The following IDH1 variants were observed in gnomAD, a reference collection of about 807,000 sequenced individuals.
IDH1 encodes isocitrate dehydrogenase (NADP(+)) 1, also known as isocitrate dehydrogenase [NADP] cytoplasmic.
IDH1 carries 33 observed loss-of-function variants against 46.1 expected under a neutral mutation model. That is an observed-to-expected ratio of 0.72 (90% CI 0.54 to 0.96). IDH1 has a LOEUF of 0.96. Ranked by LOEUF, IDH1 falls within the 40% of genes least tolerant of loss-of-function variation. The pLI, the probability that IDH1 is intolerant of heterozygous loss-of-function variation, is 0.00. For synonymous variants in IDH1, 144 were observed against 172.8 expected, an observed-to-expected ratio of 0.83 and a Z score of 1.31; for missense variants, 421 against 515.7, an observed-to-expected ratio of 0.82 and a Z score of 1.78.
chr2:208,237,180 G>T lies in IDH1; in HGVS notation c.1155-11C>A. The T allele has an allele frequency of 2.2e-6, 3 of 1,334,060 alleles. No homozygotes were observed. Among genetic ancestry groups the T allele is most frequent in the Non-Finnish European group, 2.0e-6 (2 of 997,394 alleles). The allele number at this position is 1,334,060 out of a possible 1,614,324, so 82.6% of individuals were successfully genotyped here. ...TCAGAACGTTGCACACTAACGGGAA[G>T]GAAAAAAAAAAGAAAATTTAGTTGG... On this transcript the variant is annotated splice_polypyrimidine_tract_variant and intron_variant, in intron 9 of 9. Coordinates refer to ENST00000345146, the MANE Select transcript of IDH1 (RefSeq NM_005896.4).
chr2:208,248,564 A>G lies in IDH1; in HGVS notation c.219T>C (p.Cys73=), dbSNP rs1254990610. 3 of 1,614,122 alleles carry G rather than the reference A, an allele frequency of 1.9e-6. No individual in the cohort carries two copies. The highest frequency in any genetic ancestry group is 2.5e-6 in the Non-Finnish European group (3 of 1,179,976). ...AIKKHNVGVK[C]ATITPDEKRV... is the part of the protein sequence containing the mutation. The stretch of plus-strand genomic sequence containing the variant: ...TCTTCTCATCAGGAGTGATAGTGGC[A>G]CATTTGACGCCAACATTATGCTTCT... Residue 73 remains cysteine, a synonymous_variant, in exon 4 of 10, where the codon TGT becomes TGC. Coordinates refer to ENST00000345146, the MANE Select transcript of IDH1 (RefSeq NM_005896.4).
rs1419613218 is a variant in IDH1, at chr2:208,236,733, A to G, written c.*346T>C. 3.0e-6 allele frequency: 1 copy of G among 331,900 alleles called. No individual in the cohort carries two copies. Among genetic ancestry groups the G allele is most frequent in the Non-Finnish European group, 5.6e-6 (1 of 178,642 alleles). 20.6% of individuals were successfully genotyped at this position (331,900 alleles called of 1,614,324 possible). A position where few individuals can be genotyped will look rare whatever the true frequency, so the allele number is the denominator to read the frequency against. On this transcript the variant is annotated 3_prime_UTR_variant, in exon 10 of 10. Transcript: ENST00000345146. ...CTACTTTATGCATATTTTAGGGAGC[A>G]ATACTGTGGCTATCATTTACCCTTT...
At position 208,236,877 on chromosome 2, in the gene IDH1, A is replaced by G. The variant is rs879006105; in HGVS notation, c.*202T>C. ...TAGAAAATAAAATAAAAATTGTAAAAAAGTCCCTTGCCATGTTCACAAAGG... is the reference window on the plus strand; with the variant it reads ...TAGAAAATAAAATAAAAATTGTAAAGAAGTCCCTTGCCATGTTCACAAAGG... On this transcript the variant is annotated 3_prime_UTR_variant, in exon 10 of 10. Transcript: ENST00000345146. The G allele has an allele frequency of 3.6e-6, 2 of 554,834 alleles. No individual in the cohort carries two copies. The highest frequency in any genetic ancestry group is 6.3e-6 in the Non-Finnish European group (2 of 315,464). The allele number at this position is 554,834 out of a possible 1,614,324, so 34.4% of individuals were successfully genotyped here.
intron 5 of IDH1, among the ~76,000 whole-genome samples, chr2:208,243,842 A>G (rs1224853991): frequency 6.6e-6 from 1 of 152,254 alleles, no homozygotes; most frequent in Non-Finnish European, 1.5e-5. Flanking sequence ...AGAAATGAAA[A>G]AACATACAGT....
chr2:208,243,113 T>G (rs527906290), intron 6 of IDH1, among the ~76,000 whole-genome samples: 10 of 152,278 alleles, frequency 6.6e-5, no homozygotes, highest in African/African-American at 2.4e-4. Context: ...TGGAAATGGG[T>G]CTGACTTAGA....
Position 208,239,207 on chromosome 2 carries a change from ACCCTCTGGT to A in IDH1, c.1009_1017del (p.Thr337_Gly339del), listed in dbSNP as rs1238151281. The A allele has an allele frequency of 4.3e-6, 7 of 1,614,140 alleles. No individual in the cohort carries two copies. Among genetic ancestry groups the A allele is most frequent in the Non-Finnish European group, 5.9e-6 (7 of 1,179,996 alleles). On this transcript the variant is annotated inframe_deletion, in exon 9 of 10. Coordinates refer to ENST00000345146, the MANE Select transcript of IDH1 (RefSeq NM_005896.4). ...TTATCAAGCTTTGCTCTGTGGGCTAACCCTCTGGTCCAGGCAAAAATGGAAGCTAAAAGA... is the reference window on the plus strand; with the variant it reads ...TTATCAAGCTTTGCTCTGTGGGCTAACCAGGCAAAAATGGAAGCTAAAAGA...
At position 208,251,486 on chromosome 2, in the gene IDH1, A is replaced by G. The variant is rs2124868188; in HGVS notation, c.66T>C (p.Ile22=). 2 of 1,613,880 alleles carry G rather than the reference A, an allele frequency of 1.2e-6. No individual in the cohort carries two copies. The highest frequency in any genetic ancestry group is 1.7e-6 in the Non-Finnish European group (2 of 1,179,832). The part of the protein sequence containing the change: ...EMQGDEMTRI[I]WELIKEKLIF... ...TGAGTTTCTCTTTAATCAATTCCCA[A>G]ATGATTCGTGTCATTTCATCTCCTT... The change falls in exon 3 of 10, where the codon ATT becomes ATC. Residue 22 remains isoleucine, a synonymous_variant. Transcript: ENST00000345146.
chr2:208,245,782 C>CCA (rs1688009047), intron 4 of IDH1, among the ~76,000 whole-genome samples: 1 of 37,468 alleles, frequency 2.7e-5, no homozygotes, highest in Non-Finnish European at 8.0e-5. Flanking sequence ...GTATTAGACC[C>CCA]CCCCCCCAAA....
In IDH1 at chr2:208,239,987, GC is replaced by G; in HGVS notation, c.866del (p.Gly289AlafsTer2). On this transcript the variant is annotated frameshift_variant, in exon 8 of 10. Coordinates refer to ENST00000345146, the MANE Select transcript of IDH1 (RefSeq NM_005896.4). LOFTEE classifies it high-confidence loss of function. ...DSVAQGYGSL[G>X]MMTSVLVCPD... ...GACAAACCAGCACGCTGGTCATCAT[GC>G]CGAGAGAGCCATACCCTGTAAGTAG... is the stretch of plus-strand genomic sequence containing the variant. 6 of 1,614,166 alleles carry G rather than the reference GC, an allele frequency of 3.7e-6. No homozygotes were observed. The highest frequency in any genetic ancestry group is 5.1e-6 in the Non-Finnish European group (6 of 1,180,014).
intron 3 of IDH1, 176 bp downstream of exon 3, chr2:208,251,254 C>CTTT: frequency 7.7e-6 from 3 of 389,316 alleles, no homozygotes; most frequent in Admixed American, 4.5e-5. Context: ...CTTTTTTTTC[C>CTTT]TTTTTTTTTT....
rs759011836 is a variant in IDH1, at chr2:208,240,012, A to T, written c.851-9T>A. The T allele has an allele frequency of 6.2e-7, 1 of 1,614,172 alleles. No individual in the cohort carries two copies. The highest frequency in any genetic ancestry group is 1.7e-5 in the Admixed American group (1 of 60,032). ...GCCGAGAGAGCCATACCCTGTAAGTAGTGGAGCATGAAGCGTTGGGTCCAA... is the reference window on the plus strand; with the variant it reads ...GCCGAGAGAGCCATACCCTGTAAGTTGTGGAGCATGAAGCGTTGGGTCCAA... On this transcript the variant is annotated splice_polypyrimidine_tract_variant and intron_variant, in intron 7 of 9. Transcript: ENST00000345146.
At position 208,248,619 on chromosome 2, in the gene IDH1, T is replaced by G. The variant is rs1414016845; in HGVS notation, c.164A>C (p.Gln55Pro). 4 of 1,614,204 alleles carry G rather than the reference T, an allele frequency of 2.5e-6. No individual in the cohort carries two copies. The highest frequency in any genetic ancestry group is 3.4e-6 in the Non-Finnish European group (4 of 1,180,024). The part of the protein sequence containing the change: ...GIENRDATND[Q>P]VTKDAAEAIK... Reference sequence around the variant, plus strand: ...AGCTTCTGCAGCATCCTTGGTGACTTGGTCGTTGGTGGCATCACGATTCTC... The same window carrying G: ...AGCTTCTGCAGCATCCTTGGTGACTGGGTCGTTGGTGGCATCACGATTCTC... The change falls in exon 4 of 10, where the codon CAA (glutamine) becomes CCA (proline). Residue 55 changes from glutamine to proline, a missense_variant. Physicochemically the swap from Gln to Pro is moderately conservative, Grantham distance 76. Transcript: ENST00000345146.
intron 9 of IDH1, 151 bp downstream of exon 9, chr2:208,238,920 A>G: frequency 1.4e-6 from 1 of 733,742 alleles, no homozygotes; most frequent in Non-Finnish European, 2.3e-6. Context: ...AAAGCCTAAA[A>G]TGTTCACTAT....
chr2:208,245,546 C>CTTT lies in IDH1; in HGVS notation c.415-125_415-123dup, dbSNP rs34363027. ...ACAAATAGGGCAGTATGTCAAACTT[C>CTTT]TTTTTTTTTTTTTTTTTTTAGGAGA... On this transcript the variant is annotated intron_variant, in intron 4 of 9. Transcript: ENST00000345146. The CTTT allele has an allele frequency of 0.45, 146,884 of 329,194 alleles. 29,952 individuals are homozygous for CTTT. The highest frequency in any genetic ancestry group is 0.54 in the Admixed American group (12,235 of 22,608). 20.4% of individuals were successfully genotyped at this position (329,194 alleles called of 1,614,324 possible). A position where few individuals can be genotyped will look rare whatever the true frequency, so the allele number is the denominator to read the frequency against.
rs1403237068 is a variant in IDH1 at position 208,248,525 on chromosome 2, G to C, written c.258C>G (p.Phe86Leu). 4.3e-6 allele frequency: 7 copies of C among 1,614,096 alleles called. No individual in the cohort carries two copies. In the South Asian group the frequency reaches 7.7e-5, roughly 18 times the overall value. Residue 86 changes from phenylalanine (F) to leucine (L), a missense_variant, in exon 4 of 10, where the codon TTC becomes TTG. By Grantham distance (22) the Phe-to-Leu change is conservative (BLOSUM62 0). Transcript: ENST00000345146. ...ITPDEKRVEE[F>L]KLKQMWKSPN... ...GTGATTTCCACATTTGTTTCAACTT[G>C]AACTCCTCAACCCTCTTCTCATCAG...
At chr2:208,241,561 C>T (rs1001207377) in intron 7 of IDH1, among the ~76,000 whole-genome samples, 6 of 152,082 alleles carry the variant, frequency 3.9e-5, no homozygotes, top group African/African-American at 1.4e-4. Context: ...TCTACCAGAA[C>T]AGCAGCTGGC....
chr2:208,237,909 C>A (rs991219427), intron 9 of IDH1, among the ~76,000 whole-genome samples: 1 of 150,624 alleles, frequency 6.6e-6, no homozygotes, highest in Non-Finnish European at 1.5e-5. Flanking sequence ...CTGGGCAAAG[C>A]GAGACTCTGT....
Position 208,248,375 on chromosome 2 carries a change from C to T in IDH1, c.408G>A (p.Gly136=), listed in dbSNP as rs1347854729. 6.2e-7 allele frequency: 1 copy of T among 1,613,118 alleles called. No homozygotes were observed. The highest frequency in any genetic ancestry group is 1.1e-5 in the South Asian group (1 of 91,044). Residue 136 remains glycine (G), a synonymous_variant, in exon 4 of 10, where the codon GGG becomes GGA. Coordinates refer to ENST00000345146, the MANE Select transcript of IDH1 (RefSeq NM_005896.4). ...TATTGCCAACATGACTTACTTGATC[C>T]CCATAAGCATGACGACCTATGATGA... ...KPIIIGRHAY[G]DQYRATDFVV...
chr2:208,249,209 T>TA (rs1226084158), intron 3 of IDH1, among the ~76,000 whole-genome samples: 3 of 151,312 alleles, frequency 2.0e-5, no homozygotes, highest in Admixed American at 6.6e-5. Context: ...TTTTTTTTTT[T>TA]AGATGAGTCT....
Sources: gnomAD v4.1 joint callset for allele counts (sites outside exome capture counted in the v4.1 genomes callset) on GRCh38, gnomAD v4.1.1 for gene constraint, MANE v1.5 for transcripts, NCBI Gene and HGNC (gene_info 2026-07-23, HGNC 2026-07-21) for gene names.